Variants in MTFMT observed in about 807,000 individuals in gnomAD.
MTFMT encodes the protein methionyl-tRNA formyltransferase, mitochondrial.
In MTFMT, 47 loss-of-function variants were observed where a neutral mutation model predicts 51.8. The observed-to-expected ratio is 0.91, with a 90% CI of 0.72 to 1.16. The LOEUF (loss-of-function observed/expected upper bound fraction) is 1.16, where lower values mean the gene tolerates loss of function less well. MTFMT is among the 50% of genes most tolerant of loss of function. MTFMT has a pLI of 0.00. For synonymous variants in MTFMT, 196 were observed against 176.7 expected (o/e 1.11, Z -0.87); for missense variants, 512 against 482.3 (o/e 1.06, Z -0.58).
chr15:65,006,112 C>T lies in MTFMT; in HGVS notation c.892+1G>A. The T allele has an allele frequency of 6.2e-7, 1 of 1,610,478 alleles. No homozygotes were observed. Among genetic ancestry groups the T allele is most frequent in the Non-Finnish European group, 8.5e-7 (1 of 1,177,458 alleles). On this transcript the variant is annotated splice_donor_variant, in intron 7 of 8. Coordinates refer to ENST00000220058, the MANE Select transcript of MTFMT (RefSeq NM_139242.4). LOFTEE classifies it high-confidence loss of function. Reference sequence around the variant, plus strand: ...CATGTTAGCTATTCAAAAGTTAGTACCAGCAAGGACTGAACTGTTAACTTC... The same window carrying T: ...CATGTTAGCTATTCAAAAGTTAGTATCAGCAAGGACTGAACTGTTAACTTC...
chr15:65,024,985 G>T (rs2086409076), intron 2 of MTFMT, among the ~76,000 whole-genome samples: 2 of 151,710 alleles, frequency 1.3e-5, no homozygotes, highest in African/African-American at 4.8e-5. Context: ...GAAGGTAAAT[G>T]CTCGGCAAAT....
intron 6 of MTFMT, among the ~76,000 whole-genome samples, chr15:65,008,589 G>A (rs574523853): frequency 2.6e-4 from 39 of 152,294 alleles, no homozygotes; most frequent in African/African-American, 9.4e-4. Flanking sequence ...GATTCTCAGT[G>A]CAGTGCTCTT....
intron 6 of MTFMT, among the ~76,000 whole-genome samples, chr15:65,015,138 C>T (rs1187654011): frequency 6.6e-6 from 1 of 152,036 alleles, no homozygotes; most frequent in African/African-American, 2.4e-5. Context: ...TATACCAGCC[C>T]TGATATTCCA....
chr15:65,028,230 G>A lies in MTFMT; in HGVS notation c.209+1175C>T, dbSNP rs138222509. 3.8e-3 allele frequency among the ~76,000 whole-genome samples: 572 copies of A among 152,218 alleles called. 2 individuals are homozygous for A. The highest frequency in any genetic ancestry group is 0.011 in the Admixed American group (162 of 15,292). On this transcript the variant is annotated intron_variant, in intron 1 of 8. Coordinates refer to ENST00000220058, the MANE Select transcript of MTFMT (RefSeq NM_139242.4). ...ATCCCAGGAGTTTGAGATAAGCCTG[G>A]GCAACATGGTGAAAACCCGCCTCTA...
intron 5 of MTFMT, among the ~76,000 whole-genome samples, chr15:65,017,013 CT>C (rs2086329498): frequency 6.6e-6 from 1 of 151,072 alleles, no homozygotes; most frequent in Non-Finnish European, 1.5e-5. Flanking sequence ...AACTCCTAAC[CT>C]TAAGTGATCC....
At chr15:65,020,166 A>G in intron 5 of MTFMT, 31 bp downstream of exon 5, 1 of 1,587,268 alleles carries the variant, frequency 6.3e-7, no homozygotes, top group South Asian at 1.1e-5. Flanking sequence ...GAACCTTTAG[A>G]AAGATGAGAG....
intron 2 of MTFMT, among the ~76,000 whole-genome samples, chr15:65,024,264 G>A (rs2086401902): frequency 6.6e-6 from 1 of 152,208 alleles, no homozygotes. Context: ...AGGCAGAGGT[G>A]CAGTGAACCG....
intron 2 of MTFMT, among the ~76,000 whole-genome samples, chr15:65,025,446 C>T (rs1309327879): frequency 6.6e-6 from 1 of 150,828 alleles, no homozygotes; most frequent in Non-Finnish European, 1.5e-5. Flanking sequence ...TACATTTTGG[C>T]TGCTGGATTG....
Position 65,004,902 on chromosome 15 carries a change from T to A in MTFMT, c.927A>T (p.Gly309=). 6.2e-7 allele frequency: 1 copy of A among 1,612,294 alleles called. No individual in the cohort carries two copies. Among genetic ancestry groups the A allele is most frequent in the Non-Finnish European group, 8.5e-7 (1 of 1,178,712 alleles). ...GTGACTGTTTGTGGTATATTACTGA[T>A]CCTGGAATAAGAGCCTGTCCCGTTA... ...PKLTGQALIP[G]SVIYHKQSQI... The change falls in exon 8 of 9, where the codon GGA becomes GGT. Residue 309 remains glycine, a synonymous_variant. Coordinates refer to ENST00000220058, the MANE Select transcript of MTFMT (RefSeq NM_139242.4).
intron 6 of MTFMT, among the ~76,000 whole-genome samples, chr15:65,012,800 G>A (rs1450178225): frequency 6.6e-6 from 1 of 152,116 alleles, no homozygotes; most frequent in Non-Finnish European, 1.5e-5. Flanking sequence ...AAAACTATGA[G>A]TCCTCCAATT....
intron 2 of MTFMT, among the ~76,000 whole-genome samples, chr15:65,024,869 C>T (rs960316147): frequency 2.0e-5 from 3 of 152,110 alleles, no homozygotes. Context: ...AAAGCTTTAC[C>T]AACAAGAAAA....
chr15:65,002,482 G>A lies in MTFMT; in HGVS notation c.*580C>T, dbSNP rs1305378251. 1 of 151,992 alleles carries A rather than the reference G, an allele frequency of 6.6e-6. No individual in the cohort carries two copies. Among genetic ancestry groups the A allele is most frequent in the Non-Finnish European group, 1.5e-5 (1 of 68,010 alleles). The allele number at this position is 151,992 out of a possible 1,614,324, so 9.4% of individuals were successfully genotyped here. On this transcript the variant is annotated 3_prime_UTR_variant, in exon 9 of 9. Transcript: ENST00000220058. ...ACATACACCAGTTAGGGTTGCCCTT[G>A]TTCTTAAGGAAAGATAATCTCCTTG...
Position 65,026,716 on chromosome 15 carries a change from TA to T in MTFMT, c.419+114del, listed in dbSNP as rs538519239. The T allele has an allele frequency of 2.7e-4, 236 of 882,748 alleles. 1 individual carries two copies. In the African/African-American group the frequency reaches 3.5e-3, roughly 13 times the overall value. The allele number at this position is 882,748 out of a possible 1,614,324, so 54.7% of individuals were successfully genotyped here. On this transcript the variant is annotated intron_variant, in intron 2 of 8. Transcript: ENST00000220058. ...GTACAGAAAAATAAAATGGTAAAAA[TA>T]AAAAAAGAAAATATTACAGAAAGCA...
chr15:65,024,001 A>T (rs1016368357), intron 2 of MTFMT, among the ~76,000 whole-genome samples: 2 of 152,228 alleles, frequency 1.3e-5, no homozygotes, highest in Non-Finnish European at 2.9e-5. Context: ...ACATTTAATT[A>T]AAAACAGAGC....
chr15:65,029,073 A>T (rs1012046492), intron 1 of MTFMT, among the ~76,000 whole-genome samples: 1 of 152,046 alleles, frequency 6.6e-6, no homozygotes, highest in East Asian at 1.9e-4. Flanking sequence ...GATTCCCCAC[A>T]CTCAAAACGG....
chr15:65,018,815 G>C (rs1234808328), intron 5 of MTFMT, among the ~76,000 whole-genome samples: 2 of 152,140 alleles, frequency 1.3e-5, no homozygotes, highest in Non-Finnish European at 2.9e-5. Flanking sequence ...CGCGTCAAAT[G>C]ATACTAAAAA....
rs767111622 is a variant in MTFMT, at chr15:65,027,000, C to T, written c.250G>A (p.Val84Ile). ...EEELIDKLEV[V>I]TMPSPSPKGL... ...TTTGGTGATGGGGAAGGCATTGTGA[C>T]CACCTCCAGTTTGTCGATTAACTCT... Residue 84 changes from valine to isoleucine, a missense_variant, in exon 2 of 9, where the codon GTC (valine) becomes ATC (isoleucine). Val to Ile is a conservative substitution (Grantham distance 29). Coordinates refer to ENST00000220058, the MANE Select transcript of MTFMT (RefSeq NM_139242.4). 2 of 1,613,922 alleles carry T rather than the reference C, an allele frequency of 1.2e-6. No individual in the cohort carries two copies. The highest frequency in any genetic ancestry group is 2.2e-5 in the East Asian group (1 of 44,882).
At chr15:65,006,343 ACT>A (rs1053864872) in intron 6 of MTFMT, among the ~76,000 whole-genome samples, 152 bp from the exon 7 acceptor site, 2 of 149,658 alleles carry the variant, frequency 1.3e-5, no homozygotes, top group African/African-American at 4.9e-5. Flanking sequence ...CGTAAACATG[ACT>A]CTCTACATCA....
intron 3 of MTFMT, 37 bp from the exon 4 acceptor site, chr15:65,021,653 A>G: frequency 6.9e-7 from 1 of 1,446,332 alleles, no homozygotes. Context: ...GACAATGATT[A>G]CCATTTCCTG....
Sources: gnomAD v4.1 joint callset for allele counts (sites outside exome capture counted in the v4.1 genomes callset) on GRCh38, gnomAD v4.1.1 for gene constraint, MANE v1.5 for transcripts, NCBI Gene and HGNC (gene_info 2026-07-23, HGNC 2026-07-21) for gene names.